Variants in THTPA observed in about 807,000 individuals in gnomAD.
The protein encoded by THTPA is thiamine-triphosphatase.
In THTPA, 16 loss-of-function variants were observed where a neutral mutation model predicts 16.5. The observed-to-expected ratio is 0.97, with a 90% CI of 0.66 to 1.47. The LOEUF is 1.47. Ranked by LOEUF, THTPA falls within the 40% of genes most tolerant of loss-of-function variation. THTPA has a pLI of 0.00. For synonymous variants in THTPA, 110 were observed against 115.5 expected, an observed-to-expected ratio of 0.95 and a Z score of 0.30; for missense variants, 281 against 280.9, an observed-to-expected ratio of 1.00 and a Z score of 0.00.
the THTPA span, among the ~76,000 whole-genome samples, chr14:23,548,657 A>G: frequency 2.0e-5 from 3 of 152,130 alleles, no homozygotes; most frequent in Non-Finnish European, 4.4e-5. Flanking sequence ...CTTGGGAATG[A>G]AATACAAAGG....
chr14:23,540,289 C>A, the THTPA span, among the ~76,000 whole-genome samples: 3 of 152,240 alleles, frequency 2.0e-5, no homozygotes, highest in Non-Finnish European at 4.4e-5. Context: ...CCAAGCCCAA[C>A]CTTCCTAACA....
the THTPA span, chr14:23,531,597 C>T: frequency 5.1e-5 from 78 of 1,526,506 alleles, no homozygotes; most frequent in African/African-American, 7.0e-4. Flanking sequence ...CTGGGCATCG[C>T]GGTGGGCAGG....
At chr14:23,536,858 C>T in the THTPA span, among the ~76,000 whole-genome samples, 3 of 152,200 alleles carry the variant, frequency 2.0e-5, no homozygotes, top group Non-Finnish European at 4.4e-5. Flanking sequence ...GGATTCCAGT[C>T]TGGGCACGGT....
the THTPA span, among the ~76,000 whole-genome samples, chr14:23,537,345 G>A: frequency 6.6e-6 from 1 of 151,758 alleles, no homozygotes; most frequent in Admixed American, 6.6e-5. Flanking sequence ...TCTAGCTCTC[G>A]TATTAGCAGA....
At chr14:23,526,144 G>A in the THTPA span, 3 of 1,536,558 alleles carry the variant, frequency 2.0e-6, no homozygotes, top group Admixed American at 2.0e-5. Flanking sequence ...CTGACCGCAT[G>A]TGGATCTCCA....
chr14:23,524,086 A>G, the THTPA span: 1 of 1,529,302 alleles, frequency 6.5e-7, no homozygotes, highest in African/African-American at 1.4e-5. The surrounding 1 kb of genome is among the most constrained non-coding windows in gnomAD (Gnocchi z 5.6). Flanking sequence ...TCCCAGTGCC[A>G]TCATCTACCT....
chr14:23,557,379 A>G (rs989865759), intron 1 of THTPA, 75 bp downstream of exon 1: 28 of 1,427,362 alleles, frequency 2.0e-5, no homozygotes, highest in Non-Finnish European at 2.5e-5. Flanking sequence ...TGGACCATGC[A>G]GTGGGGGAGG....
the THTPA span, among the ~76,000 whole-genome samples, chr14:23,538,618 T>C: frequency 2.0e-5 from 3 of 152,168 alleles, no homozygotes; most frequent in South Asian, 6.2e-4. Flanking sequence ...AGTTCCTGGC[T>C]TTCCTTAAGG....
chr14:23,536,718 T>C, the THTPA span, among the ~76,000 whole-genome samples: 2 of 152,174 alleles, frequency 1.3e-5, no homozygotes, highest in Admixed American at 6.5e-5. Context: ...AGCTCCAAGA[T>C]AGTGAAACTA....
At chr14:23,516,734 G>T in the THTPA span, among the ~76,000 whole-genome samples, 1 of 152,238 alleles carries the variant, frequency 6.6e-6, no homozygotes, top group Non-Finnish European at 1.5e-5. Flanking sequence ...GTACAACTCA[G>T]CCTACTGCTG....
At chr14:23,529,524 C>G in the THTPA span, 2 of 614,302 alleles carry the variant, frequency 3.3e-6, no homozygotes, top group Admixed American at 2.6e-5. Context: ...CTTGACCCTG[C>G]TGGGCCAGCT....
the THTPA span, among the ~76,000 whole-genome samples, chr14:23,541,501 G>A: frequency 6.6e-6 from 1 of 151,854 alleles, no homozygotes; most frequent in South Asian, 2.1e-4. Context: ...TGGTCAGGCT[G>A]GTCTCAAACT....
At chr14:23,515,621 T>C in the THTPA span, among the ~76,000 whole-genome samples, 2 of 152,156 alleles carry the variant, frequency 1.3e-5, no homozygotes, top group South Asian at 4.1e-4. Flanking sequence ...TCTAGTAGGT[T>C]TGGCTTTCCC....
the THTPA span, among the ~76,000 whole-genome samples, chr14:23,537,241 T>C: frequency 2.0e-5 from 3 of 151,800 alleles, no homozygotes; most frequent in Non-Finnish European, 4.4e-5. Context: ...TTTTTTTTTT[T>C]CTAAATCAGG....
chr14:23,539,141 G>A, the THTPA span, among the ~76,000 whole-genome samples: 24 of 152,262 alleles, frequency 1.6e-4, no homozygotes, highest in Non-Finnish European at 2.4e-4. Flanking sequence ...GCACTGTTTC[G>A]TCACAAGGCT....
chr14:23,519,644 C>G, the THTPA span, among the ~76,000 whole-genome samples: 4 of 152,158 alleles, frequency 2.6e-5, no homozygotes, highest in Admixed American at 6.5e-5. Flanking sequence ...CACCCCACCC[C>G]TAATTTGTTA....
chr14:23,534,760 G>A, the THTPA span: 1 of 1,536,128 alleles, frequency 6.5e-7, no homozygotes, highest in Non-Finnish European at 8.7e-7. The surrounding 1 kb of genome is among the most constrained non-coding windows in gnomAD (Gnocchi z 4.5). Context: ...GGTATCATGG[G>A]ACAGAATTTG....
chr14:23,525,657 CG>C, the THTPA span: 1 of 1,535,404 alleles, frequency 6.5e-7, no homozygotes. This position sits in a 1 kb window ranked among gnomAD's most constrained non-coding sequence, Gnocchi z 5.9. Flanking sequence ...GGCAATGGGT[CG>C]GGGGGTGAGG....
rs952008227 is a variant in THTPA at position 23,556,572 on chromosome 14, G to A, written c.-186G>A. 3 of 624,308 alleles carry A rather than the reference G, an allele frequency of 4.8e-6. No homozygotes were observed. The highest frequency in any genetic ancestry group is 8.2e-6 in the Non-Finnish European group (3 of 364,236). 38.7% of individuals were successfully genotyped at this position (624,308 alleles called of 1,614,324 possible). The stretch of plus-strand genomic sequence containing the variant: ...GTCAGAGCCTTAAAATATCACCGAC[G>A]GGGCCTTAATGTCACCGAGGTAGAG... On this transcript the variant is annotated 5_prime_UTR_variant, in exon 1 of 2. Transcript: ENST00000288014.
Sources: allele counts gnomAD v4.1 joint callset (sites outside exome capture counted in the v4.1 genomes callset), GRCh38; gene constraint gnomAD v4.1.1; non-coding constraint Gnocchi (gnomAD v3.1); transcripts MANE v1.5; gene names NCBI Gene and HGNC (gene_info 2026-07-23, HGNC 2026-07-21).